The following ANTXR1 variants were observed in gnomAD, a reference collection of about 807,000 sequenced individuals.
ANTXR1 encodes ANTXR cell adhesion molecule 1.
In ANTXR1, 19 loss-of-function variants were observed where a neutral mutation model predicts 78.1. That is an observed-to-expected ratio of 0.24 (90% CI 0.17 to 0.36). The LOEUF (loss-of-function observed/expected upper bound fraction) is 0.36. ANTXR1 is among the 10% of genes least tolerant of loss of function. The pLI, the probability that ANTXR1 is intolerant of heterozygous loss-of-function variation, is 1.00. For synonymous variants in ANTXR1, 273 were observed against 260.5 expected, an observed-to-expected ratio of 1.05 and a Z score of -0.46; for missense variants, 518 against 718.6, an observed-to-expected ratio of 0.72 and a Z score of 3.19.
chr2:69,022,903 T>C (rs1431798586), intron 1 of ANTXR1, among the ~76,000 whole-genome samples: 1 of 152,220 alleles, frequency 6.6e-6, no homozygotes, highest in Non-Finnish European at 1.5e-5. Flanking sequence ...TGAGAGGCCA[T>C]GTTTTGCCCT....
intron 9 of ANTXR1, among the ~76,000 whole-genome samples, chr2:69,101,292 T>A (rs1423573226): frequency 2.0e-5 from 3 of 152,246 alleles, no homozygotes; most frequent in East Asian, 3.8e-4. Flanking sequence ...ATGACTCATC[T>A]GTCAGAAGGC....
At chr2:69,175,953 G>A (rs766945293) in intron 14 of ANTXR1, among the ~76,000 whole-genome samples, 1 of 151,890 alleles carries the variant, frequency 6.6e-6, no homozygotes, top group Non-Finnish European at 1.5e-5. Context: ...ATAGCAACAG[G>A]TCTGGCATCC....
At chr2:69,024,582 T>G (rs10204276) in intron 1 of ANTXR1, among the ~76,000 whole-genome samples, 4,460 of 152,116 alleles carry the variant, frequency 0.029, 237 homozygotes, top group African/African-American at 0.1. Flanking sequence ...GGGGAAGGGG[T>G]GATCATTCAG....
intron 13 of ANTXR1, among the ~76,000 whole-genome samples, chr2:69,169,814 G>A (rs1673929863): frequency 6.6e-6 from 1 of 152,248 alleles, no homozygotes; most frequent in South Asian, 2.1e-4. Context: ...TGGGGTCCAC[G>A]CTTGACACAT....
intron 9 of ANTXR1, among the ~76,000 whole-genome samples, chr2:69,100,468 T>G (rs946936068): frequency 3.9e-5 from 6 of 152,200 alleles, no homozygotes; most frequent in African/African-American, 7.2e-5. Flanking sequence ...GGATTCCTGC[T>G]GTCTTTCTTC....
chr2:69,078,598 A>G (rs952362748), intron 8 of ANTXR1, among the ~76,000 whole-genome samples: 12 of 152,216 alleles, frequency 7.9e-5, no homozygotes, highest in African/African-American at 2.9e-4. Flanking sequence ...CCGGCAACCC[A>G]GAGTTTCATT....
chr2:69,065,319 G>A (rs1670366366), intron 3 of ANTXR1, among the ~76,000 whole-genome samples: 1 of 151,504 alleles, frequency 6.6e-6, no homozygotes, highest in African/African-American at 2.4e-5. Flanking sequence ...CAGCTACTCA[G>A]GAGGCTGAGG....
At chr2:69,059,762 A>C (rs1259301182) in intron 3 of ANTXR1, among the ~76,000 whole-genome samples, 5 of 152,200 alleles carry the variant, frequency 3.3e-5, no homozygotes, top group African/African-American at 1.2e-4. Context: ...GAGTCACTTT[A>C]CTTCAATATT....
At chr2:69,091,302 G>A (rs1460297504) in intron 9 of ANTXR1, among the ~76,000 whole-genome samples, 4 of 151,750 alleles carry the variant, frequency 2.6e-5, no homozygotes, top group African/African-American at 7.3e-5. Flanking sequence ...TTAGCCAGGT[G>A]TGATGGCGCT....
At chr2:69,130,532 T>C (rs187520974) in intron 12 of ANTXR1, among the ~76,000 whole-genome samples, 20 of 152,344 alleles carry the variant, frequency 1.3e-4, no homozygotes, top group African/African-American at 4.8e-4. Context: ...CGAAAATCTT[T>C]ATTTCACATC....
intron 13 of ANTXR1, among the ~76,000 whole-genome samples, chr2:69,158,715 T>C (rs1004403531): frequency 6.6e-6 from 1 of 152,242 alleles, no homozygotes; most frequent in African/African-American, 2.4e-5. Context: ...CTTTGTGTTA[T>C]CTATTTTGCC....
intron 13 of ANTXR1, among the ~76,000 whole-genome samples, chr2:69,159,835 A>G (rs1409301756): frequency 1.3e-5 from 2 of 152,254 alleles, no homozygotes; most frequent in Non-Finnish European, 2.9e-5. Context: ...AGTTCAACAA[A>G]TAAGCCCACT....
At chr2:69,167,206 G>A (rs1673850915) in intron 13 of ANTXR1, among the ~76,000 whole-genome samples, 1 of 152,350 alleles carries the variant, frequency 6.6e-6, no homozygotes, top group East Asian at 1.9e-4. Context: ...GAACCTGTGG[G>A]ACATGGGGGC....
At chr2:69,114,048 G>A (rs1214866424) in intron 10 of ANTXR1, among the ~76,000 whole-genome samples, 1 of 152,116 alleles carries the variant, frequency 6.6e-6, no homozygotes, top group Non-Finnish European at 1.5e-5. Context: ...TCCTTGTACT[G>A]CCTAAAACTA....
intron 17 of ANTXR1, among the ~76,000 whole-genome samples, chr2:69,214,661 G>A (rs1675134354): frequency 6.6e-6 from 1 of 152,164 alleles, no homozygotes; most frequent in Non-Finnish European, 1.5e-5. Context: ...ACCCAAGTCT[G>A]TTAGCCAATT....
At chr2:69,044,654 T>C in intron 2 of ANTXR1, 88 bp from the exon 3 acceptor site, 11 of 1,413,486 alleles carry the variant, frequency 7.8e-6, no homozygotes, top group Non-Finnish European at 1.1e-5. Context: ...GCAGCCGTGA[T>C]AGAAAGGGAA....
chr2:69,119,918 A>G (rs962327232), intron 10 of ANTXR1, among the ~76,000 whole-genome samples: 4 of 152,232 alleles, frequency 2.6e-5, no homozygotes, highest in African/African-American at 9.6e-5. Context: ...ACTAAGTGAC[A>G]TACAGGAAGT....
chr2:69,020,885 T>C (rs1333204647), intron 1 of ANTXR1, among the ~76,000 whole-genome samples: 1 of 152,220 alleles, frequency 6.6e-6, no homozygotes, highest in East Asian at 1.9e-4. Context: ...TGTACTCCAA[T>C]ACATGCGTGG....
chr2:69,185,201 G>T (rs773542750), intron 16 of ANTXR1, among the ~76,000 whole-genome samples: 3 of 152,164 alleles, frequency 2.0e-5, no homozygotes, highest in African/African-American at 7.2e-5. Context: ...AATCAAAAAC[G>T]CTGGAAGTGG....
Sources: gnomAD v4.1 joint callset for allele counts (sites outside exome capture counted in the v4.1 genomes callset) on GRCh38, gnomAD v4.1.1 for gene constraint, MANE v1.5 for transcripts, NCBI Gene and HGNC (gene_info 2026-07-23, HGNC 2026-07-21) for gene names.